The following UBAC2 variants were observed in gnomAD, a reference collection of about 807,000 sequenced individuals.
UBAC2 encodes ubiquitin-associated domain-containing protein 2.
In UBAC2, 26 loss-of-function variants were observed where a neutral mutation model predicts 44.0. The ratio of observed to expected loss-of-function variants is 0.59; its 90% CI spans 0.43 to 0.82. The LOEUF (loss-of-function observed/expected upper bound fraction) is 0.82, where lower values mean the gene tolerates loss of function less well. Among genes scored for constraint, UBAC2 ranks in the 40% least tolerant of loss-of-function variants. The pLI, the probability that UBAC2 is intolerant of heterozygous loss-of-function variation, is 0.00. For missense variants in UBAC2, 329 were observed against 419.4 expected, an observed-to-expected ratio of 0.78 and a Z score of 1.88; for synonymous variants, 155 against 154.3, an observed-to-expected ratio of 1.00 and a Z score of -0.04.
At position 99,306,451 on chromosome 13, in the gene UBAC2, G is replaced by T. The variant is rs963547258; in HGVS notation, c.390-7646G>T. On this transcript the variant is annotated intron_variant, in intron 4 of 8. Coordinates refer to ENST00000403766, the MANE Select transcript of UBAC2 (RefSeq NM_001144072.2). ...AATTTCATTTGATCCTGATTTCAGA[G>T]CCCTTGCTCTTATTACACTATATTG... 2.6e-5 allele frequency among the ~76,000 whole-genome samples: 4 copies of T among 152,152 alleles called. No individual in the cohort carries two copies. The South Asian group carries it at 8.3e-4, about 32-fold the overall frequency.
chr13:99,369,268 G>A (rs771950732), intron 8 of UBAC2, among the ~76,000 whole-genome samples: 38 of 152,204 alleles, frequency 2.5e-4, no homozygotes, highest in Non-Finnish European at 3.8e-4. Flanking sequence ...TATAATTGTC[G>A]AACTTTAACA....
chr13:99,290,055 T>C lies in UBAC2; in HGVS notation c.390-24042T>C, dbSNP rs75455261. Reference sequence around the variant, plus strand: ...TATTTGTTTAAGAGAGAAAATACGATGATGAAGAGTGCAGACCATGGAGCC... The same window carrying C: ...TATTTGTTTAAGAGAGAAAATACGACGATGAAGAGTGCAGACCATGGAGCC... On this transcript the variant is annotated intron_variant, in intron 4 of 8. Transcript: ENST00000403766. 0.021 allele frequency among the ~76,000 whole-genome samples: 3,145 copies of C among 152,218 alleles called. 255 individuals are homozygous for C. The East Asian group carries it at 0.28, about 14-fold the overall frequency.
intron 8 of UBAC2, among the ~76,000 whole-genome samples, chr13:99,378,681 T>A (rs2138924120): frequency 6.6e-6 from 1 of 152,380 alleles, no homozygotes; most frequent in East Asian, 1.9e-4. Context: ...TTCGTCATCA[T>A]CACTGAACAT....
chr13:99,242,405 C>G (rs1447956121), intron 2 of UBAC2, among the ~76,000 whole-genome samples: 1 of 141,814 alleles, frequency 7.1e-6, no homozygotes, highest in Non-Finnish European at 1.5e-5. Flanking sequence ...TAGGGGCGGC[C>G]GGGCAGAGGC....
intron 4 of UBAC2, chr13:99,255,513 G>C (rs1352882752): frequency 1.2e-6 from 2 of 1,614,142 alleles, no homozygotes; most frequent in Non-Finnish European, 1.7e-6. Context: ...CAATGGCCAT[G>C]TATCTGTCAG....
chr13:99,321,339 C>T (rs550867113), intron 6 of UBAC2, among the ~76,000 whole-genome samples: 3 of 152,210 alleles, frequency 2.0e-5, no homozygotes, highest in East Asian at 1.9e-4. Flanking sequence ...GAGACAGGCT[C>T]GCTGTGTCAC....
intron 6 of UBAC2, among the ~76,000 whole-genome samples, chr13:99,338,025 TC>T (rs1195541823): frequency 7.2e-6 from 1 of 138,396 alleles, no homozygotes; most frequent in African/African-American, 2.6e-5. Flanking sequence ...CAAAAAAATC[TC>T]CTAACTTTTT....
At chr13:99,204,063 A>G (rs1234303324) in intron 1 of UBAC2, among the ~76,000 whole-genome samples, 1 of 152,206 alleles carries the variant, frequency 6.6e-6, no homozygotes, top group African/African-American at 2.4e-5. Context: ...TATGTGTATC[A>G]TTCACTGCAT....
chr13:99,373,348 A>C (rs72651012), intron 8 of UBAC2, among the ~76,000 whole-genome samples: 13,879 of 152,168 alleles, frequency 0.091, 679 homozygotes, highest in East Asian at 0.13. Flanking sequence ...CTGTTAGGTA[A>C]AATCAGACAA....
intron 4 of UBAC2, among the ~76,000 whole-genome samples, chr13:99,249,365 A>C (rs200850577): frequency 6.6e-6 from 1 of 152,210 alleles, no homozygotes; most frequent in East Asian, 1.9e-4. Context: ...TGCAAAGGAC[A>C]TGATTTCATT....
rs544697968 is a variant in UBAC2, at chr13:99,276,884, A to G, written c.389+32260A>G. Among the ~76,000 whole-genome samples, 11 of 152,330 alleles carry G rather than the reference A, an allele frequency of 7.2e-5. No individual in the cohort carries two copies. In the South Asian group the frequency reaches 2.3e-3, roughly 32 times the overall value. ...CAAATACATTTTTGTAGAATACCACAGCCAGCCAGCAGGTGGGTAGAGTTC... is the reference window on the plus strand; with the variant it reads ...CAAATACATTTTTGTAGAATACCACGGCCAGCCAGCAGGTGGGTAGAGTTC... On this transcript the variant is annotated intron_variant, in intron 4 of 8. Coordinates refer to ENST00000403766, the MANE Select transcript of UBAC2 (RefSeq NM_001144072.2).
At chr13:99,259,555 C>A (rs971206695) in intron 4 of UBAC2, among the ~76,000 whole-genome samples, 2 of 152,098 alleles carry the variant, frequency 1.3e-5, no homozygotes, top group Admixed American at 6.5e-5. Context: ...CAAGGTAAAG[C>A]CAGGTCCAGT....
intron 7 of UBAC2, chr13:99,351,668 A>C (rs568873203): frequency 5.1e-4 from 233 of 456,598 alleles, no homozygotes; most frequent in Admixed American, 1.1e-3. Flanking sequence ...TGGGGATAAA[A>C]CTTTCCATTA....
intron 1 of UBAC2, among the ~76,000 whole-genome samples, chr13:99,217,758 T>C (rs557091688): frequency 1.3e-5 from 2 of 152,282 alleles, no homozygotes; most frequent in African/African-American, 4.8e-5. Context: ...CACTTTAAAA[T>C]TGGCTTATTT....
chr13:99,303,680 C>T (rs1377086516), intron 4 of UBAC2, among the ~76,000 whole-genome samples: 1 of 152,184 alleles, frequency 6.6e-6, no homozygotes, highest in Non-Finnish European at 1.5e-5. Context: ...AATATTTCTC[C>T]TCTGAGTCCT....
At chr13:99,353,834 G>A (rs2045134416) in intron 7 of UBAC2, among the ~76,000 whole-genome samples, 3 of 152,220 alleles carry the variant, frequency 2.0e-5, no homozygotes, top group African/African-American at 4.8e-5. Context: ...TGAGACCCTC[G>A]AGAAGCCTTG....
chr13:99,337,376 A>AT (rs2044804492), intron 6 of UBAC2, among the ~76,000 whole-genome samples: 1 of 151,444 alleles, frequency 6.6e-6, no homozygotes, highest in Admixed American at 6.6e-5. Flanking sequence ...CCTTATATAT[A>AT]TATTATTTAT....
intron 4 of UBAC2, among the ~76,000 whole-genome samples, chr13:99,253,968 G>A (rs2043495288): frequency 6.6e-6 from 1 of 152,198 alleles, no homozygotes; most frequent in Non-Finnish European, 1.5e-5. Flanking sequence ...GGGCTTTACA[G>A]ATTATAGTTC....
chr13:99,208,122 C>A (rs2042895843), intron 1 of UBAC2, among the ~76,000 whole-genome samples: 1 of 151,804 alleles, frequency 6.6e-6, no homozygotes, highest in Non-Finnish European at 1.5e-5. Flanking sequence ...CTCAGCCCCC[C>A]AAGTAGCTGG....
Sources: allele counts gnomAD v4.1 joint callset (sites outside exome capture counted in the v4.1 genomes callset), GRCh38; gene constraint gnomAD v4.1.1; transcripts MANE v1.5; gene names NCBI Gene and HGNC (gene_info 2026-07-23, HGNC 2026-07-21).